MYPOP: variants seen among roughly 807,000 people sequenced by gnomAD.
The protein encoded by MYPOP is Myb related transcription factor, partner of profilin.
MYPOP carries 21 observed loss-of-function variants against 25.7 expected under a neutral mutation model. That is an observed-to-expected ratio of 0.82 (90% CI 0.58 to 1.18). The LOEUF (loss-of-function observed/expected upper bound fraction) is 1.18, where lower values mean the gene tolerates loss of function less well. Ranked by LOEUF, MYPOP falls within the 50% of genes most tolerant of loss-of-function variation. The probability of loss-of-function intolerance (pLI) is 0.00; values close to 1 mark genes in which losing one functional copy is unlikely to be tolerated. For missense variants in MYPOP, 566 were observed against 588.3 expected, an observed-to-expected ratio of 0.96 and a Z score of 0.39; for synonymous variants, 280 against 247.9, an observed-to-expected ratio of 1.13 and a Z score of -1.22.
chr19:45,892,348 ACT>A (rs988298479), intron 2 of MYPOP, among the ~76,000 whole-genome samples: 1 of 151,588 alleles, frequency 6.6e-6, no homozygotes, highest in Non-Finnish European at 1.5e-5. Flanking sequence ...CTTCCCTGAG[ACT>A]CTCTCCAACC....
At position 45,901,779 on chromosome 19, in the gene MYPOP, C is replaced by A; in HGVS notation, c.-6G>T. 2.1e-6 allele frequency: 3 copies of A among 1,429,972 alleles called. No individual in the cohort carries two copies. Among genetic ancestry groups the A allele is most frequent in the Non-Finnish European group, 2.7e-6 (3 of 1,095,022 alleles). 88.6% of individuals were successfully genotyped at this position (1,429,972 alleles called of 1,614,324 possible). ...CCCGCCGCCGCCGAGGCCATGGCGCCCCCCGACGCCGCCGTCCTGCCGTCT... is the reference window on the plus strand; with the variant it reads ...CCCGCCGCCGCCGAGGCCATGGCGCACCCCGACGCCGCCGTCCTGCCGTCT... On this transcript the variant is annotated 5_prime_UTR_variant, in exon 2 of 3. Transcript: ENST00000322217. This position sits in a 1 kb window ranked among gnomAD's most constrained non-coding sequence, Gnocchi z 5.7.
Position 45,901,151 on chromosome 19 carries a change from T to C in MYPOP, c.499+124A>G, listed in dbSNP as rs1259290011. On this transcript the variant is annotated intron_variant, in intron 2 of 2. Transcript: ENST00000322217. The surrounding 1 kb of genome is among the most constrained non-coding windows in gnomAD (Gnocchi z 5.7). ...GTCATTTCATTTTTCTGAGCTTCAG[T>C]TTCCCTAGCTATAAAATGGGGCGAA... is the stretch of plus-strand genomic sequence containing the variant. 2 of 942,054 alleles carry C rather than the reference T, an allele frequency of 2.1e-6. No homozygotes were observed. Among genetic ancestry groups the C allele is most frequent in the African/African-American group, 1.7e-5 (1 of 58,164 alleles). The allele number at this position is 942,054 out of a possible 1,614,324, so 58.4% of individuals were successfully genotyped here.
chr19:45,895,479 C>T (rs1032700034), intron 2 of MYPOP, among the ~76,000 whole-genome samples: 2 of 152,070 alleles, frequency 1.3e-5, no homozygotes, highest in African/African-American at 4.8e-5. Context: ...GCCCCATCTC[C>T]TTCTTTTTTT....
chr19:45,894,377 T>A (rs1196599981), intron 2 of MYPOP, among the ~76,000 whole-genome samples: 1 of 152,052 alleles, frequency 6.6e-6, no homozygotes, highest in African/African-American at 2.4e-5. Context: ...CCTCCCAAAG[T>A]GCTAGGATTA....
intron 2 of MYPOP, among the ~76,000 whole-genome samples, chr19:45,894,977 A>G (rs1967181867): frequency 6.6e-6 from 1 of 152,118 alleles, no homozygotes; most frequent in Non-Finnish European, 1.5e-5. Context: ...CAGCCTCCCA[A>G]AGTGCTGGGA....
chr19:45,899,009 C>G (rs1185183157), intron 2 of MYPOP, among the ~76,000 whole-genome samples: 1 of 152,072 alleles, frequency 6.6e-6, no homozygotes, highest in African/African-American at 2.4e-5. Context: ...GGCAGATCAC[C>G]TGAGGTCGGG....
At position 45,901,294 on chromosome 19, in the gene MYPOP, G is replaced by T. The variant is rs144181920; in HGVS notation, c.480C>A (p.Arg160=). ...ACTCACCTGCACGTCGGTCCTCCCGGCGGTCTTCCGACAACACGTAGCGCT... is the reference window on the plus strand; with the variant it reads ...ACTCACCTGCACGTCGGTCCTCCCGTCGGTCTTCCGACAACACGTAGCGCT... ...CPQRYVLSED[R]REDRRADTSA... The change falls in exon 2 of 3, where the codon CGC becomes CGA. Residue 160 remains arginine (R), a synonymous_variant. Coordinates refer to ENST00000322217, the MANE Select transcript of MYPOP (RefSeq NM_001012643.4). This position sits in a 1 kb window ranked among gnomAD's most constrained non-coding sequence, Gnocchi z 5.7. 2.0e-4 allele frequency: 289 copies of T among 1,452,570 alleles called. 2 individuals carry two copies. The East Asian group carries it at 7.5e-3, about 38-fold the overall frequency. 90.0% of individuals were successfully genotyped at this position (1,452,570 alleles called of 1,614,324 possible).
chr19:45,898,495 G>A (rs1389042049), intron 2 of MYPOP, among the ~76,000 whole-genome samples: 1 of 150,942 alleles, frequency 6.6e-6, no homozygotes, highest in East Asian at 2.0e-4. Flanking sequence ...GGCTAATTTT[G>A]TATTTTTAGT....
At position 45,899,801 on chromosome 19, in the gene MYPOP, A is replaced by G. The variant is rs1462167782; in HGVS notation, c.499+1474T>C. ...GGTTGCAGCAAGCCAAGATTTCGCCACTGCACTCCAGCCTGGGCAACAGAG... is the reference window on the plus strand; with the variant it reads ...GGTTGCAGCAAGCCAAGATTTCGCCGCTGCACTCCAGCCTGGGCAACAGAG... On this transcript the variant is annotated intron_variant, in intron 2 of 2. Coordinates refer to ENST00000322217, the MANE Select transcript of MYPOP (RefSeq NM_001012643.4). Among the ~76,000 whole-genome samples the G allele has an allele frequency of 3.3e-5, 5 of 152,178 alleles. No homozygotes were observed. The East Asian group carries it at 9.6e-4, about 29-fold the overall frequency.
intron 2 of MYPOP, among the ~76,000 whole-genome samples, chr19:45,899,328 T>A (rs1459866146): frequency 3.3e-5 from 5 of 152,230 alleles, no homozygotes; most frequent in African/African-American, 1.2e-4. Flanking sequence ...TACCACAGCG[T>A]CTGCCTTGGA....
At chr19:45,899,746 A>T (rs1389396778) in intron 2 of MYPOP, among the ~76,000 whole-genome samples, 1 of 152,150 alleles carries the variant, frequency 6.6e-6, no homozygotes, top group Admixed American at 6.5e-5. Context: ...AGGCTGAGGC[A>T]GGAGAATCAC....
At chr19:45,899,732 C>T (rs1469926424) in intron 2 of MYPOP, among the ~76,000 whole-genome samples, 2 of 152,084 alleles carry the variant, frequency 1.3e-5, no homozygotes, top group Non-Finnish European at 2.9e-5. Flanking sequence ...CCCAGCTACT[C>T]AGGAGGCTGA....
At chr19:45,896,020 G>A (rs1358086892) in intron 2 of MYPOP, among the ~76,000 whole-genome samples, 1 of 152,208 alleles carries the variant, frequency 6.6e-6, no homozygotes, top group South Asian at 2.1e-4. Flanking sequence ...GGCCGGGTGC[G>A]GTGGCTCAGC....
At chr19:45,898,991 C>T (rs1025953701) in intron 2 of MYPOP, among the ~76,000 whole-genome samples, 7 of 152,156 alleles carry the variant, frequency 4.6e-5, no homozygotes, top group South Asian at 2.1e-4. Context: ...CTTTGGGTGG[C>T]CAAGGCGGGC....
chr19:45,890,973 G>C lies in MYPOP; in HGVS notation c.850C>G (p.Leu284Val), dbSNP rs754820553. The C allele has an allele frequency of 2.5e-5, 37 of 1,497,416 alleles. No individual in the cohort carries two copies. Among genetic ancestry groups the C allele is most frequent in the Admixed American group, 1.3e-4 (6 of 45,054 alleles). The allele number at this position is 1,497,416 out of a possible 1,614,324, so 92.8% of individuals were successfully genotyped here. A position where few individuals can be genotyped will look rare whatever the true frequency, so the allele number is the denominator to read the frequency against. ...RELAGTLRQG[L>V]AKLSEALSAL... is the part of the protein sequence containing the mutation. Reference sequence around the variant, plus strand: ...CTGAGGGCCTCGCTCAGTTTGGCCAGTCCCTGTCGAAGGGTGCCGGCCAGC... The same window carrying C: ...CTGAGGGCCTCGCTCAGTTTGGCCACTCCCTGTCGAAGGGTGCCGGCCAGC... The change falls in exon 3 of 3, where the codon CTG becomes GTG. Residue 284 changes from leucine to valine, a missense_variant. Transcript: ENST00000322217.
At chr19:45,895,945 G>A (rs1427268968) in intron 2 of MYPOP, among the ~76,000 whole-genome samples, 1 of 151,788 alleles carries the variant, frequency 6.6e-6, no homozygotes. Flanking sequence ...CTCAAAAACA[G>A]CCAGCCAAAG....
chr19:45,895,327 C>G (rs560355772), intron 2 of MYPOP, among the ~76,000 whole-genome samples: 86 of 152,216 alleles, frequency 5.6e-4, no homozygotes, highest in African/African-American at 2.0e-3. Context: ...CTCACTACAA[C>G]CTCTGCCTCC....
At chr19:45,900,430 CA>C (rs1967270218) in intron 2 of MYPOP, among the ~76,000 whole-genome samples, 2 of 151,004 alleles carry the variant, frequency 1.3e-5, no homozygotes, top group Admixed American at 6.7e-5. Context: ...TCCCCTCCTC[CA>C]GGAAGCCCTC....
rs2146372857 is a variant in MYPOP, at chr19:45,890,189, T to C, written c.*434A>G. ...GGGGTATACACGGCTATATCCTCTT[T>C]GTCATCCGTATTTTGATTTGTCTTA... On this transcript the variant is annotated 3_prime_UTR_variant, in exon 3 of 3. Coordinates refer to ENST00000322217, the MANE Select transcript of MYPOP (RefSeq NM_001012643.4). 6.3e-6 allele frequency: 1 copy of C among 159,650 alleles called. No individual in the cohort carries two copies. Among genetic ancestry groups the C allele is most frequent in the South Asian group, 1.9e-4 (1 of 5,304 alleles). The allele number at this position is 159,650 out of a possible 1,614,324, so 9.9% of individuals were successfully genotyped here. A position where few individuals can be genotyped will look rare whatever the true frequency, so the allele number is the denominator to read the frequency against.
Sources: allele counts gnomAD v4.1 joint callset (sites outside exome capture counted in the v4.1 genomes callset), GRCh38; gene constraint gnomAD v4.1.1; non-coding constraint Gnocchi (gnomAD v3.1); transcripts MANE v1.5; gene names NCBI Gene and HGNC (gene_info 2026-07-23, HGNC 2026-07-21).